The following BRWD1 variants were observed in gnomAD, a reference collection of about 807,000 sequenced individuals.
BRWD1 encodes bromodomain and WD repeat-containing protein 1.
BRWD1 carries 82 observed loss-of-function variants against 251.2 expected under a neutral mutation model. The ratio of observed to expected loss-of-function variants is 0.33; its 90% CI spans 0.27 to 0.39. The LOEUF (loss-of-function observed/expected upper bound fraction) is 0.39. Ranked by LOEUF, BRWD1 falls within the 10% of genes least tolerant of loss-of-function variation. The probability of loss-of-function intolerance (pLI) is 1.00; values close to 1 mark genes in which losing one functional copy is unlikely to be tolerated. For synonymous variants in BRWD1, 918 were observed against 902.8 expected, an observed-to-expected ratio of 1.02 and a Z score of -0.30; for missense variants, 2,233 against 2,711.6, an observed-to-expected ratio of 0.82 and a Z score of 3.92.
rs775955937 is a variant in BRWD1, at chr21:39,202,564, A to G, written c.4365-19T>C. 2 of 1,560,390 alleles carry G rather than the reference A, an allele frequency of 1.3e-6. No homozygotes were observed. The highest frequency in any genetic ancestry group is 1.4e-5 in the African/African-American group (1 of 73,716). ...GAGGTTTCTGGCCAAACATATGAACAAAGGAAACAGTATTTAACAAAATAC... is the reference window on the plus strand; with the variant it reads ...GAGGTTTCTGGCCAAACATATGAACGAAGGAAACAGTATTTAACAAAATAC... On this transcript the variant is annotated intron_variant, in intron 37 of 40. Coordinates refer to ENST00000342449, the MANE Select transcript of BRWD1 (RefSeq NM_033656.4).
chr21:39,194,314 G>A lies in BRWD1; in HGVS notation c.*1945C>T, dbSNP rs1443952245. On this transcript the variant is annotated 3_prime_UTR_variant, in exon 41 of 41. Coordinates refer to ENST00000342449, the MANE Select transcript of BRWD1 (RefSeq NM_033656.4). ...GATGGTAAACATGGAGTTAAAACCTGAGAACAGATTATAAAAGAGAAGGTT... is the reference window on the plus strand; with the variant it reads ...GATGGTAAACATGGAGTTAAAACCTAAGAACAGATTATAAAAGAGAAGGTT... 1.7e-5 allele frequency: 17 copies of A among 1,004,642 alleles called. No individual in the cohort carries two copies. The Admixed American group carries it at 7.8e-4, about 46-fold the overall frequency. The allele number at this position is 1,004,642 out of a possible 1,614,324, so 62.2% of individuals were successfully genotyped here.
At chr21:39,312,649 T>G (rs991549623) in intron 4 of BRWD1, 192 bp downstream of exon 4, 37 of 417,986 alleles carry the variant, frequency 8.9e-5, no homozygotes, top group Non-Finnish European at 1.5e-4. Context: ...CAATGACTGT[T>G]TCCTGCCAAA....
Position 39,195,876 on chromosome 21 carries a change from G to C in BRWD1, c.*383C>G. ...AAATTGTTGTAACTACTATAGAACA[G>C]GGGTTAGAAACTACTGCCTCTTTGA... On this transcript the variant is annotated 3_prime_UTR_variant, in exon 41 of 41. Coordinates refer to ENST00000342449, the MANE Select transcript of BRWD1 (RefSeq NM_033656.4). 1 of 997,010 alleles carries C rather than the reference G, an allele frequency of 1.0e-6. No individual in the cohort carries two copies. 61.8% of individuals were successfully genotyped at this position (997,010 alleles called of 1,614,324 possible).
Position 39,313,401 on chromosome 21 carries a change from C to T in BRWD1, c.49+42G>A, listed in dbSNP as rs528816946. The T allele has an allele frequency of 6.8e-4, 995 of 1,461,792 alleles. 2 individuals carry two copies. Among genetic ancestry groups the T allele is most frequent in the Non-Finnish European group, 8.1e-4 (897 of 1,106,444 alleles). The allele number at this position is 1,461,792 out of a possible 1,614,324, so 90.6% of individuals were successfully genotyped here. A position where few individuals can be genotyped will look rare whatever the true frequency, so the allele number is the denominator to read the frequency against. On this transcript the variant is annotated intron_variant, in intron 1 of 40. Coordinates refer to ENST00000342449, the MANE Select transcript of BRWD1 (RefSeq NM_033656.4). ...CGGGGAGCCGGGGAAGCCGAAGCAG[C>T]CGGGAGCGCCAGGGCGGGGGTGGCA...
At chr21:39,265,823 A>G (rs2034901512) in intron 15 of BRWD1, among the ~76,000 whole-genome samples, 2 of 152,248 alleles carry the variant, frequency 1.3e-5, no homozygotes, top group South Asian at 4.1e-4. Context: ...TCAAGCATAT[A>G]TATGAAAAAG....
chr21:39,290,836 T>C (rs370579076), intron 8 of BRWD1, among the ~76,000 whole-genome samples: 83 of 152,150 alleles, frequency 5.5e-4, no homozygotes, highest in African/African-American at 2.0e-3. Context: ...ACTTCCAAAA[T>C]AAAACACTAT....
Position 39,188,314 on chromosome 21 carries a change from C to A in BRWD1, c.*7945G>T, listed in dbSNP as rs1223805995. ...CTTGATGGCAGTTTGTTTTGTAGGA[C>A]CCTGCCTGAAGTTTCCAGACATTTA... On this transcript the variant is annotated 3_prime_UTR_variant, in exon 41 of 41. Transcript: ENST00000342449. 1 of 985,174 alleles carries A rather than the reference C, an allele frequency of 1.0e-6. No homozygotes were observed. The highest frequency in any genetic ancestry group is 1.2e-6 in the Non-Finnish European group (1 of 829,892). The allele number at this position is 985,174 out of a possible 1,614,324, so 61.0% of individuals were successfully genotyped here. A position where few individuals can be genotyped will look rare whatever the true frequency, so the allele number is the denominator to read the frequency against.
chr21:39,236,813 T>G, intron 22 of BRWD1, 29 bp from the exon 23 acceptor site: 1 of 1,591,740 alleles, frequency 6.3e-7, no homozygotes. Flanking sequence ...TTCAGTTGAA[T>G]GGAGCCAGAA....
chr21:39,319,700 C>T lies in BRWD1; in HGVS notation n.534+1326G>A, dbSNP rs149067361. ...ATTTCCAGAGAGCATGCCTGTGAAGCTCGCTGAACAATGCCCAGCTCTCAA... is the reference window on the plus strand; with the variant it reads ...ATTTCCAGAGAGCATGCCTGTGAAGTTCGCTGAACAATGCCCAGCTCTCAA... On this transcript the variant is annotated intron_variant and non_coding_transcript_variant, in intron 1 of 4. Transcript: ENST00000470108. Among the ~76,000 whole-genome samples, 20 of 152,258 alleles carry T rather than the reference C, an allele frequency of 1.3e-4. 1 individual carries two copies. Among genetic ancestry groups the T allele is most frequent in the African/African-American group, 4.6e-4 (19 of 41,554 alleles).
chr21:39,247,336 A>G (rs2034231014), intron 21 of BRWD1, among the ~76,000 whole-genome samples: 1 of 152,156 alleles, frequency 6.6e-6, no homozygotes, highest in Non-Finnish European at 1.5e-5. Context: ...CAGATTTCGT[A>G]TTTTTCCAGA....
intron 1 of BRWD1, among the ~76,000 whole-genome samples, chr21:39,320,663 A>G (rs2036737772): frequency 7.3e-6 from 1 of 136,848 alleles, no homozygotes; most frequent in South Asian, 2.3e-4. Context: ...CCTTAGAGTC[A>G]TATCTTTTTT....
chr21:39,193,178 C>A lies in BRWD1; in HGVS notation c.*3081G>T. 4 of 984,906 alleles carry A rather than the reference C, an allele frequency of 4.1e-6. No homozygotes were observed. The highest frequency in any genetic ancestry group is 4.8e-6 in the Non-Finnish European group (4 of 829,564). 61.0% of individuals were successfully genotyped at this position (984,906 alleles called of 1,614,324 possible). A position where few individuals can be genotyped will look rare whatever the true frequency, so the allele number is the denominator to read the frequency against. ...TTCTTTGCCTCCATTTTCTTATAAA[C>A]CCAATTTCCTCTTTAGGTGCAGCTC... On this transcript the variant is annotated 3_prime_UTR_variant, in exon 41 of 41. Transcript: ENST00000342449.
rs560356930 is a variant in BRWD1, at chr21:39,195,027, T to C, written c.*1232A>G. 2.2e-6 allele frequency: 3 copies of C among 1,360,392 alleles called. No individual in the cohort carries two copies. The highest frequency in any genetic ancestry group is 3.6e-5 in the South Asian group (2 of 55,244). 84.3% of individuals were successfully genotyped at this position (1,360,392 alleles called of 1,614,324 possible). A position where few individuals can be genotyped will look rare whatever the true frequency, so the allele number is the denominator to read the frequency against. On this transcript the variant is annotated 3_prime_UTR_variant, in exon 41 of 41. Coordinates refer to ENST00000342449, the MANE Select transcript of BRWD1 (RefSeq NM_033656.4). ...CACTGGAGTAGCATAACCTATCAAGTATTTGGTTAGAAAATAAGTGTACTA... is the reference window on the plus strand; with the variant it reads ...CACTGGAGTAGCATAACCTATCAAGCATTTGGTTAGAAAATAAGTGTACTA...
rs77039587 is a variant in BRWD1 at position 39,230,464 on chromosome 21, T to A, written c.3001-1028A>T. On this transcript the variant is annotated intron_variant, in intron 25 of 40. Transcript: ENST00000342449. ...GAAATAAAATACTAAATCAGTGCTA[T>A]AGAGAATATATAGGGATAGGTTCCT... 4.8e-3 allele frequency among the ~76,000 whole-genome samples: 738 copies of A among 152,338 alleles called. 3 individuals are homozygous for A. Among genetic ancestry groups the A allele is most frequent in the African/African-American group, 0.017 (705 of 41,578 alleles).
In BRWD1 at chr21:39,195,309, G is replaced by A. The variant is rs2031753858; in HGVS notation, c.*950C>T. 1 of 1,000,744 alleles carries A rather than the reference G, an allele frequency of 1.0e-6. No homozygotes were observed. Among genetic ancestry groups the A allele is most frequent in the African/African-American group, 1.7e-5 (1 of 57,348 alleles). The allele number at this position is 1,000,744 out of a possible 1,614,324, so 62.0% of individuals were successfully genotyped here. A position where few individuals can be genotyped will look rare whatever the true frequency, so the allele number is the denominator to read the frequency against. ...ACCTCTACAATTGGAATACAGATGG[G>A]GGAAACCTACATATTAACTTAAATA... On this transcript the variant is annotated 3_prime_UTR_variant, in exon 41 of 41. Transcript: ENST00000342449.
intron 16 of BRWD1, 60 bp downstream of exon 16, chr21:39,264,831 A>T: frequency 1.3e-6 from 2 of 1,579,770 alleles, no homozygotes; most frequent in Non-Finnish European, 1.7e-6. Context: ...ATAACTACTT[A>T]TTTCCAAAAC....
Position 39,185,636 on chromosome 21 carries a change from A to G in BRWD1, c.*10623T>C, listed in dbSNP as rs918719390. Reference sequence around the variant, plus strand: ...TTCTGGCTTATGCTAAAAAACAAAAAGCCTTTTTTTTAAAACAGACATGCA... The same window carrying G: ...TTCTGGCTTATGCTAAAAAACAAAAGGCCTTTTTTTTAAAACAGACATGCA... On this transcript the variant is annotated 3_prime_UTR_variant, in exon 41 of 41. Coordinates refer to ENST00000342449, the MANE Select transcript of BRWD1 (RefSeq NM_033656.4). The G allele has an allele frequency of 2.0e-5, 3 of 152,098 alleles. No homozygotes were observed. Among genetic ancestry groups the G allele is most frequent in the African/African-American group, 7.2e-5 (3 of 41,440 alleles). 9.4% of individuals were successfully genotyped at this position (152,098 alleles called of 1,614,324 possible). A position where few individuals can be genotyped will look rare whatever the true frequency, so the allele number is the denominator to read the frequency against.
intron 25 of BRWD1, among the ~76,000 whole-genome samples, chr21:39,231,913 A>AAT (rs2033630753): frequency 6.6e-6 from 1 of 152,250 alleles, no homozygotes; most frequent in African/African-American, 2.4e-5. Flanking sequence ...TAAGAGTGAT[A>AAT]ATATATATAT....
intron 5 of BRWD1, 183 bp downstream of exon 5, chr21:39,298,249 G>A (rs1319992663): frequency 9.6e-6 from 12 of 1,250,114 alleles, no homozygotes; most frequent in Non-Finnish European, 1.2e-5. Context: ...AATGCAGAAG[G>A]ACCCATTAAA....
Sources: allele counts gnomAD v4.1 joint callset (sites outside exome capture counted in the v4.1 genomes callset), GRCh38; gene constraint gnomAD v4.1.1; transcripts MANE v1.5; gene names NCBI Gene and HGNC (gene_info 2026-07-23, HGNC 2026-07-21).